ADGRL2: variants seen among roughly 807,000 people sequenced by gnomAD.
ADGRL2 encodes adhesion G protein-coupled receptor L2, also known as calcium-independent alpha-latrotoxin receptor 2.
Under a neutral mutation model 157.4 loss-of-function variants are expected in ADGRL2, and 44 were observed. That is an observed-to-expected ratio of 0.28 (90% CI 0.22 to 0.36). The LOEUF (loss-of-function observed/expected upper bound fraction) is 0.36. Among genes scored for constraint, ADGRL2 ranks in the 10% least tolerant of loss-of-function variants. The pLI is 1.00. For missense variants in ADGRL2, 1,510 were observed against 1,768.9 expected (o/e 0.85, Z 2.63); for synonymous variants, 585 against 624.7 (o/e 0.94, Z 0.95).
At chr1:81,326,203 C>G (rs1305790810) in intron 1 of ADGRL2, among the ~76,000 whole-genome samples, 1 of 152,174 alleles carries the variant, frequency 6.6e-6, no homozygotes, top group Non-Finnish European at 1.5e-5. Context: ...CAAAGCTTCT[C>G]AGTCCTCTGG....
intron 2 of ADGRL2, among the ~76,000 whole-genome samples, chr1:81,563,991 T>C (rs2080503024): frequency 1.3e-5 from 2 of 152,150 alleles, no homozygotes; most frequent in African/African-American, 4.8e-5. Context: ...GATGAGGAAA[T>C]AGAGAACTGA....
At chr1:81,865,837 A>C (rs2093527277) in intron 2 of ADGRL2, among the ~76,000 whole-genome samples, 1 of 152,230 alleles carries the variant, frequency 6.6e-6, no homozygotes, top group Non-Finnish European at 1.5e-5. Flanking sequence ...AAGAGAAAAC[A>C]GTTTGTATCT....
chr1:81,852,740 C>T (rs2093058698), intron 2 of ADGRL2, among the ~76,000 whole-genome samples: 3 of 151,812 alleles, frequency 2.0e-5, no homozygotes, highest in South Asian at 4.2e-4. Flanking sequence ...TCTCTGTCAA[C>T]TTAGAAAAAA....
intron 2 of ADGRL2, among the ~76,000 whole-genome samples, chr1:81,494,920 G>C (rs990833364): frequency 1.3e-5 from 2 of 152,038 alleles, no homozygotes; most frequent in Non-Finnish European, 2.9e-5. Flanking sequence ...TGTAAACCTT[G>C]AGTAGGCAAA....
chr1:81,528,022 G>A (rs1183734407), intron 2 of ADGRL2, among the ~76,000 whole-genome samples: 3 of 152,122 alleles, frequency 2.0e-5, no homozygotes, highest in Admixed American at 6.5e-5. Flanking sequence ...AGCCGAGATC[G>A]CGTCACTGCA....
chr1:81,774,883 ATATG>A (rs1336392528), intron 2 of ADGRL2, among the ~76,000 whole-genome samples: 1 of 152,118 alleles, frequency 6.6e-6, no homozygotes, highest in Non-Finnish European at 1.5e-5. Flanking sequence ...GTATACTTTT[ATATG>A]TATAATAGTA....
intron 1 of ADGRL2, among the ~76,000 whole-genome samples, chr1:81,351,407 C>T (rs35938346): frequency 0.19 from 28,387 of 151,886 alleles, 2,953 homozygotes; most frequent in Admixed American, 0.28. Context: ...CTTCCCACCC[C>T]GTGATGAAAA....
chr1:81,349,723 C>CT (rs535207691), intron 1 of ADGRL2, among the ~76,000 whole-genome samples: 244 of 151,802 alleles, frequency 1.6e-3, no homozygotes, highest in African/African-American at 5.6e-3. Flanking sequence ...CACGTCCATG[C>CT]TTGACTGGAA....
intron 2 of ADGRL2, chr1:81,502,747 G>A (rs2078881163): frequency 2.1e-5 from 34 of 1,613,638 alleles, no homozygotes; most frequent in Non-Finnish European, 2.8e-5. Context: ...AGCAATTGAT[G>A]GCAACCGCAG....
At chr1:81,451,605 G>T (rs544683126) in intron 2 of ADGRL2, among the ~76,000 whole-genome samples, 1 of 152,036 alleles carries the variant, frequency 6.6e-6, no homozygotes, top group South Asian at 2.1e-4. Context: ...CTAATATTTG[G>T]TTTCACTCAG....
chr1:81,398,458 C>G (rs981708573), intron 1 of ADGRL2, among the ~76,000 whole-genome samples: 4 of 151,692 alleles, frequency 2.6e-5, no homozygotes, highest in African/African-American at 9.7e-5. Context: ...CTCTTTTTTT[C>G]TCTATCGATC....
intron 1 of ADGRL2, among the ~76,000 whole-genome samples, chr1:81,343,537 T>G (rs770305164): frequency 6.6e-6 from 1 of 152,214 alleles, no homozygotes; most frequent in Admixed American, 6.5e-5. Context: ...AAATACCACA[T>G]GCTAAGTGGC....
intron 1 of ADGRL2, among the ~76,000 whole-genome samples, chr1:81,835,611 T>C (rs954815400): frequency 1.3e-5 from 2 of 152,094 alleles, no homozygotes; most frequent in Non-Finnish European, 2.9e-5. Flanking sequence ...TCATTCTTTT[T>C]GAGGAAGTTT....
chr1:81,579,332 T>G (rs935580224), intron 2 of ADGRL2: 2 of 152,162 alleles, frequency 1.3e-5, no homozygotes, highest in African/African-American at 4.8e-5. Context: ...TACGAGGGGA[T>G]GTGTATCTAA....
At chr1:81,798,468 T>C (rs1015605956), upstream of ADGRL2, among the ~76,000 whole-genome samples, 11 of 152,148 alleles carry the variant, frequency 7.2e-5, no homozygotes, top group African/African-American at 1.7e-4. Context: ...TTTTAAAACA[T>C]AGCAAGTCTA....
intron 2 of ADGRL2, among the ~76,000 whole-genome samples, chr1:81,862,356 G>C (rs2093416496): frequency 6.6e-6 from 1 of 152,044 alleles, no homozygotes; most frequent in African/African-American, 2.4e-5. Flanking sequence ...ACCCCTTTTA[G>C]GGCATAGCTC....
intron 2 of ADGRL2, chr1:81,506,213 T>C (rs576742011): frequency 1.4e-4 from 22 of 152,632 alleles, no homozygotes; most frequent in African/African-American, 5.1e-4. Flanking sequence ...CCTCATTAAA[T>C]ATTAAGAACT....
chr1:81,473,469 A>G (rs1164979209), intron 2 of ADGRL2, among the ~76,000 whole-genome samples: 2 of 152,248 alleles, frequency 1.3e-5, no homozygotes, highest in Non-Finnish European at 2.9e-5. Flanking sequence ...TTGAAATAAT[A>G]AAATTGTAGA....
At position 81,966,152 on chromosome 1, in the gene ADGRL2, C is replaced by T. The variant is rs139486341; in HGVS notation, c.2112C>T (p.Ser704=). The T allele has an allele frequency of 2.4e-5, 38 of 1,613,830 alleles. No individual in the cohort carries two copies. Among genetic ancestry groups the T allele is most frequent in the Admixed American group, 1.7e-4 (10 of 59,996 alleles). Residue 704 remains serine, a synonymous_variant, in exon 12 of 24, where the codon TCC becomes TCT. Coordinates refer to ENST00000686636, the MANE Select transcript of ADGRL2 (RefSeq NM_001366006.2). Reference sequence around the variant, plus strand: ...GAGCAGGCAGCTCAATCCAACTGTCCGCAAATACCGTCAAACAGAACAGCA... The same window carrying T: ...GAGCAGGCAGCTCAATCCAACTGTCTGCAAATACCGTCAAACAGAACAGCA... The part of the protein sequence containing the change: ...IKGAGSSIQL[S]ANTVKQNSRN...
Sources: gnomAD v4.1 joint callset for allele counts (sites outside exome capture counted in the v4.1 genomes callset) on GRCh38, gnomAD v4.1.1 for gene constraint, MANE v1.5 for transcripts, NCBI Gene and HGNC (gene_info 2026-07-23, HGNC 2026-07-21) for gene names.